Variants in NEK10 observed in about 807,000 individuals in gnomAD.
NEK10 encodes the protein serine/threonine-protein kinase Nek10.
NEK10 carries 122 observed loss-of-function variants against 159.8 expected under a neutral mutation model. The ratio of observed to expected loss-of-function variants is 0.76; its 90% CI spans 0.66 to 0.89. NEK10 has a LOEUF of 0.89. Among genes scored for constraint, NEK10 ranks in the 40% least tolerant of loss-of-function variants. The probability of loss-of-function intolerance (pLI) is 0.00; values close to 1 mark genes in which losing one functional copy is unlikely to be tolerated. For missense variants in NEK10, 1,342 were observed against 1,323.1 expected, an observed-to-expected ratio of 1.01 and a Z score of -0.22; for synonymous variants, 466 against 457.1, an observed-to-expected ratio of 1.02 and a Z score of -0.25.
At chr3:27,309,204 T>C (rs2149582744) in intron 9 of NEK10, 199 bp from the exon 10 acceptor site, 1 of 342,658 alleles carries the variant, frequency 2.9e-6, no homozygotes, top group South Asian at 8.0e-5. Context: ...GCACAAACTA[T>C]ATATAATGTT....
intron 25 of NEK10, among the ~76,000 whole-genome samples, 166 bp downstream of exon 25, chr3:27,201,344 G>A (rs748275331): frequency 3.3e-5 from 5 of 152,168 alleles, no homozygotes; most frequent in Non-Finnish European, 7.3e-5. Flanking sequence ...CACTTAAGTA[G>A]CATCCAAATA....
chr3:27,116,151 G>C, intron 33 of NEK10, 24 bp from the exon 34 acceptor site: 2 of 1,609,246 alleles, frequency 1.2e-6, no homozygotes, highest in Non-Finnish European at 1.7e-6. Flanking sequence ...ATTATGGAAA[G>C]TCTGACATTT....
chr3:27,151,143 A>C (rs1345291985), intron 30 of NEK10, among the ~76,000 whole-genome samples: 1 of 152,262 alleles, frequency 6.6e-6, no homozygotes, highest in Admixed American at 6.5e-5. Context: ...GTCCCTCTCC[A>C]TGCTACCATA....
chr3:27,336,604 T>C (rs1025361956), intron 5 of NEK10, among the ~76,000 whole-genome samples: 5 of 152,116 alleles, frequency 3.3e-5, no homozygotes, highest in African/African-American at 1.2e-4. Context: ...CTCAACAAAG[T>C]ACTAGCAAAC....
At chr3:27,334,400 G>T (rs1475155488) in intron 5 of NEK10, among the ~76,000 whole-genome samples, 1 of 152,134 alleles carries the variant, frequency 6.6e-6, no homozygotes, top group Non-Finnish European at 1.5e-5. Context: ...GTCACTACTG[G>T]CATCCAAGTA....
chr3:27,181,832 A>C (rs1004974863), intron 26 of NEK10, among the ~76,000 whole-genome samples: 1 of 152,226 alleles, frequency 6.6e-6, no homozygotes, highest in Non-Finnish European at 1.5e-5. Context: ...TGCTTACTAA[A>C]TTTTGTTGAA....
chr3:27,140,215 C>A (rs1026899687), intron 31 of NEK10, among the ~76,000 whole-genome samples: 2 of 152,136 alleles, frequency 1.3e-5, no homozygotes, highest in Non-Finnish European at 2.9e-5. Flanking sequence ...AGACAGAAAC[C>A]TGCCCTAAGT....
At chr3:27,193,944 C>CG (rs1412588136) in intron 25 of NEK10, 1 of 151,970 alleles carries the variant, frequency 6.6e-6, no homozygotes, top group Non-Finnish European at 1.5e-5. Flanking sequence ...AGCAAATGAA[C>CG]GAATGAATCA....
chr3:27,197,159 CT>C (rs964405760), intron 25 of NEK10, among the ~76,000 whole-genome samples: 15 of 151,232 alleles, frequency 9.9e-5, no homozygotes, highest in East Asian at 3.9e-4. Context: ...TCAAATCACT[CT>C]TTTTTTTTAT....
chr3:27,253,408 A>G (rs1955862189), intron 23 of NEK10, among the ~76,000 whole-genome samples: 1 of 152,172 alleles, frequency 6.6e-6, no homozygotes, highest in South Asian at 2.1e-4. Context: ...AGAGATAAAA[A>G]ATGGAAACAA....
chr3:27,308,539 T>C (rs1202600958), intron 10 of NEK10, among the ~76,000 whole-genome samples: 1 of 152,218 alleles, frequency 6.6e-6, no homozygotes, highest in Non-Finnish European at 1.5e-5. Flanking sequence ...AAAGATCTTC[T>C]TGAAAATTTT....
intron 30 of NEK10, among the ~76,000 whole-genome samples, chr3:27,161,775 T>A (rs1190531821): frequency 6.6e-6 from 1 of 152,082 alleles, no homozygotes; most frequent in Non-Finnish European, 1.5e-5. Context: ...ATTTTAATCG[T>A]GGGCGGATCA....
At chr3:27,328,340 G>A (rs182711040) in intron 5 of NEK10, among the ~76,000 whole-genome samples, 64 of 152,262 alleles carry the variant, frequency 4.2e-4, no homozygotes, top group African/African-American at 1.5e-3. Context: ...GGCCAGTGGA[G>A]AATAATCAAG....
intron 23 of NEK10, among the ~76,000 whole-genome samples, chr3:27,223,897 C>A (rs922512811): frequency 3.9e-5 from 6 of 152,308 alleles, no homozygotes; most frequent in African/African-American, 1.4e-4. Context: ...CTTTTCTCTG[C>A]AAATTCTATC....
At chr3:27,244,746 C>T (rs759215945) in intron 23 of NEK10, among the ~76,000 whole-genome samples, 7 of 152,122 alleles carry the variant, frequency 4.6e-5, no homozygotes, top group African/African-American at 1.4e-4. Flanking sequence ...TTCCTGGACT[C>T]GCCCCCTCTT....
In NEK10 at chr3:27,162,168, TG is replaced by T. The variant is rs1429626999; in HGVS notation, c.2869+532del. 1.5e-5 allele frequency: 5 copies of T among 338,904 alleles called. 1 individual carries two copies. The highest frequency in any genetic ancestry group is 8.3e-5 in the African/African-American group (4 of 48,108). The allele number at this position is 338,904 out of a possible 1,614,324, so 21.0% of individuals were successfully genotyped here. A position where few individuals can be genotyped will look rare whatever the true frequency, so the allele number is the denominator to read the frequency against. On this transcript the variant is annotated intron_variant, in intron 30 of 35. Coordinates refer to ENST00000691995, the MANE Select transcript of NEK10 (RefSeq NM_001394966.1). ...TATGTAAAACATGGTTACTATTTTTTGTTTGTAGGTATGTACTTGAAGCATC... is the reference window on the plus strand; with the variant it reads ...TATGTAAAACATGGTTACTATTTTTTTTTGTAGGTATGTACTTGAAGCATC...
At chr3:27,287,780 C>T (rs373370136) in intron 19 of NEK10, 37 bp from the exon 20 acceptor site, 2 of 1,483,022 alleles carry the variant, frequency 1.3e-6, no homozygotes, top group African/African-American at 2.9e-5. Context: ...TATTGCACTG[C>T]TTCAAAATAC....
intron 29 of NEK10, among the ~76,000 whole-genome samples, chr3:27,165,226 C>T (rs527696456): frequency 1.5e-4 from 23 of 152,298 alleles, no homozygotes; most frequent in African/African-American, 5.3e-4. Context: ...GTCAATTTCT[C>T]TGGAAATTAT....
intron 18 of NEK10, 48 bp from the exon 19 acceptor site, chr3:27,290,802 A>C: frequency 7.0e-7 from 1 of 1,437,942 alleles, no homozygotes; most frequent in Non-Finnish European, 9.5e-7. Flanking sequence ...AGGGTAAAGA[A>C]GGAGAAGAGA....
Sources: gnomAD v4.1 joint callset for allele counts (sites outside exome capture counted in the v4.1 genomes callset) on GRCh38, gnomAD v4.1.1 for gene constraint, MANE v1.5 for transcripts, NCBI Gene and HGNC (gene_info 2026-07-23, HGNC 2026-07-21) for gene names.